Variants in WHRN observed in about 807,000 individuals in gnomAD.
The protein encoded by WHRN is CASK-interacting protein CIP98.
WHRN carries 41 observed loss-of-function variants against 68.3 expected under a neutral mutation model. That is an observed-to-expected ratio of 0.60 (90% CI 0.47 to 0.78). WHRN has a LOEUF of 0.78. Among genes scored for constraint, WHRN ranks in the 30% least tolerant of loss-of-function variants. The pLI is 0.00. For missense variants in WHRN, 1,243 were observed against 1,244.7 expected (o/e 1.00, Z 0.02); for synonymous variants, 560 against 561.3 (o/e 1.00, Z 0.03).
At position 114,404,905 on chromosome 9, in the gene WHRN, C is replaced by T. The variant is rs185147885; in HGVS notation, c.2237-828G>A. On this transcript the variant is annotated intron_variant, in intron 9 of 11. Coordinates refer to ENST00000362057, the MANE Select transcript of WHRN (RefSeq NM_015404.4). ...ACCTAGGGTTTCAAACTCAGGGGCC[C>T]GGCTGTTATACACATAGTGAAGCAG... is the stretch of plus-strand genomic sequence containing the variant. 1.8e-4 allele frequency among the ~76,000 whole-genome samples: 27 copies of T among 151,970 alleles called. No homozygotes were observed. In the East Asian group the frequency reaches 3.1e-3, roughly 18 times the overall value.
chr9:114,470,260 T>G (rs548067643), intron 2 of WHRN, among the ~76,000 whole-genome samples: 1 of 152,146 alleles, frequency 6.6e-6, no homozygotes, highest in East Asian at 1.9e-4. Context: ...CAATGAGACT[T>G]GAAGGCTGGG....
intron 3 of WHRN, among the ~76,000 whole-genome samples, chr9:114,427,191 G>A (rs774810699): frequency 3.3e-5 from 5 of 152,190 alleles, no homozygotes; most frequent in Non-Finnish European, 2.9e-5. Flanking sequence ...CCAAGAGTTC[G>A]AGGCTGCTGT....
intron 3 of WHRN, among the ~76,000 whole-genome samples, chr9:114,445,144 C>T (rs1286436882): frequency 2.6e-5 from 4 of 151,958 alleles, no homozygotes; most frequent in Non-Finnish European, 4.4e-5. Flanking sequence ...TGGGTTCAAG[C>T]GATTCTTGTG....
At position 114,406,692 on chromosome 9, in the gene WHRN, G is replaced by C. The variant is rs766721147; in HGVS notation, c.1899C>G (p.Thr633=). The C allele has an allele frequency of 6.2e-7, 1 of 1,613,920 alleles. No individual in the cohort carries two copies. Among genetic ancestry groups the C allele is most frequent in the Non-Finnish European group, 8.5e-7 (1 of 1,180,020 alleles). Residue 633 remains threonine, a synonymous_variant, in exon 9 of 12, where the codon ACC becomes ACG. Coordinates refer to ENST00000362057, the MANE Select transcript of WHRN (RefSeq NM_015404.4). ...CAGAGGAGGTCCCTGGGGTGGGTGC[G>C]GTGCCCGCTGGCGGGCTGCGGTTCT... ...APQNRSPPAG[T]APTPGTSSAQ... is the part of the protein sequence containing the mutation.
intron 2 of WHRN, among the ~76,000 whole-genome samples, chr9:114,475,036 T>A (rs1841535801): frequency 6.6e-6 from 1 of 152,136 alleles, no homozygotes; most frequent in Non-Finnish European, 1.5e-5. Context: ...AGAGGAACCC[T>A]GGTGCACTGT....
rs1403714314 is a variant in WHRN at position 114,505,043 on chromosome 9, G to C, written c.-242C>G. 1.0e-5 allele frequency: 5 copies of C among 500,654 alleles called. No individual in the cohort carries two copies. The highest frequency in any genetic ancestry group is 1.6e-5 in the Non-Finnish European group (5 of 313,106). The allele number at this position is 500,654 out of a possible 1,614,324, so 31.0% of individuals were successfully genotyped here. On this transcript the variant is annotated 5_prime_UTR_variant, in exon 1 of 12. Transcript: ENST00000362057. The stretch of plus-strand genomic sequence containing the variant: ...GGAATCCGGGGGACGCGGAGACGTC[G>C]GCGGGTTCCTGAGAGACACAAGAGT...
chr9:114,448,254 C>G (rs888479471), intron 3 of WHRN, among the ~76,000 whole-genome samples: 2 of 152,016 alleles, frequency 1.3e-5, no homozygotes, highest in African/African-American at 2.4e-5. Flanking sequence ...AAGAAACATG[C>G]AGGGAAGAAC....
intron 1 of WHRN, among the ~76,000 whole-genome samples, chr9:114,486,660 A>C (rs1842493549): frequency 6.6e-6 from 1 of 152,080 alleles, no homozygotes; most frequent in Non-Finnish European, 1.5e-5. Flanking sequence ...TAGACACATT[A>C]GATACACATG....
Position 114,470,942 on chromosome 9 carries a change from C to T in WHRN, c.838-4550G>A, listed in dbSNP as rs182811220. Among the ~76,000 whole-genome samples the T allele has an allele frequency of 1.2e-4, 18 of 152,196 alleles. No individual in the cohort carries two copies. In the East Asian group the frequency reaches 3.5e-3, roughly 29 times the overall value. On this transcript the variant is annotated intron_variant, in intron 2 of 11. Transcript: ENST00000362057. ...ACACGCAGATGGCAGCCCATGTCTG[C>T]AGCAGCCCACTCTGAATACTAAGGA...
chr9:114,451,638 C>G (rs1839345794), intron 3 of WHRN, among the ~76,000 whole-genome samples: 1 of 151,912 alleles, frequency 6.6e-6, no homozygotes, highest in Non-Finnish European at 1.5e-5. Flanking sequence ...TAAATTCAAG[C>G]TGCCTACAGG....
At chr9:114,453,576 G>A (rs1285957686) in intron 3 of WHRN, among the ~76,000 whole-genome samples, 2 of 152,012 alleles carry the variant, frequency 1.3e-5, no homozygotes, top group African/African-American at 4.8e-5. Flanking sequence ...ATTCCTGACA[G>A]TTAAAAAAAA....
intron 4 of WHRN, chr9:114,425,446 G>A (rs1190431134): frequency 2.2e-6 from 1 of 457,076 alleles, no homozygotes; most frequent in Non-Finnish European, 3.9e-6. Context: ...TGTGGGCTCA[G>A]GCTGCCAGAC....
chr9:114,489,913 T>C (rs535584295), intron 1 of WHRN, among the ~76,000 whole-genome samples: 1,710 of 152,336 alleles, frequency 0.011, 84 homozygotes, highest in Admixed American at 0.083. Flanking sequence ...ACACATGTCA[T>C]TTGTAAACAT....
chr9:114,420,599 G>A (rs1836196630), intron 7 of WHRN, among the ~76,000 whole-genome samples: 1 of 152,168 alleles, frequency 6.6e-6, no homozygotes, highest in Non-Finnish European at 1.5e-5. Context: ...GGGAGCTCTG[G>A]ACTGTGCATG....
intron 3 of WHRN, among the ~76,000 whole-genome samples, chr9:114,459,967 A>G (rs1840112191): frequency 6.6e-6 from 1 of 152,172 alleles, no homozygotes; most frequent in African/African-American, 2.4e-5. Context: ...TAGTGACCCC[A>G]AGATTGGGAC....
rs746530738 is a variant in WHRN at position 114,423,417 on chromosome 9, G to A, written c.1523C>T (p.Pro508Leu). Residue 508 changes from proline to leucine, a missense_variant, in exon 7 of 12, where the codon CCC (proline) becomes CTC (leucine). Coordinates refer to ENST00000362057, the MANE Select transcript of WHRN (RefSeq NM_015404.4). ...REIESMKARQ[P>L]PGPGAGDTYS... ...GGTGTCCCCAGCCCCGGGGCCTGGG[G>A]GCTGCCGCGCCTTCATGGACTCAAT... 32 of 1,613,930 alleles carry A rather than the reference G, an allele frequency of 2.0e-5. No individual in the cohort carries two copies. Among genetic ancestry groups the A allele is most frequent in the Non-Finnish European group, 2.6e-5 (31 of 1,179,988 alleles).
chr9:114,406,647 G>A lies in WHRN; in HGVS notation c.1944C>T (p.Ser648=). The A allele has an allele frequency of 1.2e-6, 2 of 1,613,202 alleles. No individual in the cohort carries two copies. Among genetic ancestry groups the A allele is most frequent in the Non-Finnish European group, 8.5e-7 (1 of 1,179,474 alleles). ...CAGGGGAGACGGAGGCATAGATGGG[G>A]GAAGAGGGCAAGTCCTGTGCAGAGG... is the stretch of plus-strand genomic sequence containing the variant. ...GTSSAQDLPS[S]PIYASVSPAN... The change falls in exon 9 of 12, where the codon TCC becomes TCT. Residue 648 remains serine, a synonymous_variant. Transcript: ENST00000362057.
At position 114,449,604 on chromosome 9, in the gene WHRN, G is replaced by C. The variant is rs1337329416; in HGVS notation, c.963+16663C>G. Among the ~76,000 whole-genome samples, 3 of 152,186 alleles carry C rather than the reference G, an allele frequency of 2.0e-5. No homozygotes were observed. The East Asian group carries it at 5.8e-4, about 29-fold the overall frequency. Reference sequence around the variant, plus strand: ...GAGGCCATTTCAAAAATCCAACTAAGAGAGTATCATAAGGAAGGACTGAGA... The same window carrying C: ...GAGGCCATTTCAAAAATCCAACTAACAGAGTATCATAAGGAAGGACTGAGA... On this transcript the variant is annotated intron_variant, in intron 3 of 11. Transcript: ENST00000362057.
At chr9:114,496,414 T>C (rs1843463496) in intron 1 of WHRN, among the ~76,000 whole-genome samples, 1 of 152,168 alleles carries the variant, frequency 6.6e-6, no homozygotes, top group African/African-American at 2.4e-5. Context: ...AGAAACTCTG[T>C]CTATGTGGGG....
Sources: allele counts gnomAD v4.1 joint callset (sites outside exome capture counted in the v4.1 genomes callset), GRCh38; gene constraint gnomAD v4.1.1; transcripts MANE v1.5; gene names NCBI Gene and HGNC (gene_info 2026-07-23, HGNC 2026-07-21).